SH2B1: variants seen among roughly 807,000 people sequenced by gnomAD.
SH2B1 encodes the protein SH2B adaptor protein 1.
In SH2B1, 15 loss-of-function variants were observed where a neutral mutation model predicts 62.6. The observed-to-expected ratio is 0.24, with a 90% confidence interval of 0.16 to 0.37. The LOEUF is 0.37. SH2B1 is among the 10% of genes least tolerant of loss of function. The pLI, the probability that SH2B1 is intolerant of heterozygous loss-of-function variation, is 1.00. For synonymous variants in SH2B1, 443 were observed against 438.0 expected (o/e 1.01, Z -0.14); for missense variants, 925 against 1,015.6 (o/e 0.91, Z 1.21).
Position 28,869,298 on chromosome 16 carries a change from G to C in SH2B1, c.1224G>C (p.Glu408Asp). 1 of 1,614,092 alleles carries C rather than the reference G, an allele frequency of 6.2e-7. No individual in the cohort carries two copies. The highest frequency in any genetic ancestry group is 8.5e-7 in the Non-Finnish European group (1 of 1,180,018). The change falls in exon 4 of 8, where the codon GAG becomes GAC. Residue 408 changes from glutamate (E) to aspartate (D), a missense_variant. Physicochemically the swap from Glu to Asp is conservative, Grantham distance 45. This residue lies in a region of SH2B1 where 683 missense variants were observed against 704.0 expected (regional missense o/e 0.97). Coordinates refer to ENST00000684370, the MANE Select transcript of SH2B1 (RefSeq NM_001387430.1). The stretch of plus-strand genomic sequence containing the variant: ...CAAGGGAGAACACAGACAGCCTGGA[G>C]CTGTCCTGCCTGAATCACTCGGAGA... ...FLTRENTDSLELSCLNHSESL... is the reference protein window; with the variant it reads ...FLTRENTDSLDLSCLNHSESL...
chr16:28,850,167 A>G (rs1056531718), intron 1 of SH2B1, among the ~76,000 whole-genome samples: 2 of 152,194 alleles, frequency 1.3e-5, no homozygotes, highest in Non-Finnish European at 2.9e-5. Context: ...TAAGGGTATT[A>G]GGCAGCTTAC....
chr16:28,864,320 C>A lies in SH2B1; in HGVS notation c.-1775C>A. On this transcript the variant is annotated 5_prime_UTR_variant, in exon 1 of 8. Transcript: ENST00000684370. ...GCTTGGCAGAAGAGAAACTGAGTCACCAGCTTAGGAGTCGCAGGGTCAGCG... is the reference window on the plus strand; with the variant it reads ...GCTTGGCAGAAGAGAAACTGAGTCAACAGCTTAGGAGTCGCAGGGTCAGCG... 1.0e-6 allele frequency: 1 copy of A among 993,906 alleles called. No individual in the cohort carries two copies. 61.6% of individuals were successfully genotyped at this position (993,906 alleles called of 1,614,324 possible).
At chr16:28,852,677 T>TAC in intron 1 of SH2B1, among the ~76,000 whole-genome samples, 1 of 91,848 alleles carries the variant, frequency 1.1e-5, no homozygotes, top group Non-Finnish European at 1.9e-5. Flanking sequence ...TTTATATATA[T>TAC]ATTTACATAT....
chr16:28,865,375 A>G lies in SH2B1; in HGVS notation c.-720A>G, dbSNP rs890364302. ...GTCCATCATGCATCCATCCTCATTAATGAATCGGCCCCCTCCAAAGAGTTG... is the reference window on the plus strand; with the variant it reads ...GTCCATCATGCATCCATCCTCATTAGTGAATCGGCCCCCTCCAAAGAGTTG... On this transcript the variant is annotated 5_prime_UTR_variant, in exon 1 of 8. It removes an upstream start codon present in the reference 5' UTR. Transcript: ENST00000684370. The G allele has an allele frequency of 1.0e-6, 1 of 985,652 alleles. No homozygotes were observed. 61.1% of individuals were successfully genotyped at this position (985,652 alleles called of 1,614,324 possible). A position where few individuals can be genotyped will look rare whatever the true frequency, so the allele number is the denominator to read the frequency against.
Position 28,866,533 on chromosome 16 carries a change from C to G in SH2B1, c.439C>G (p.Pro147Ala). ...VSSSSTTSSK[P>A]KLKKRFSLRS... is the part of the protein sequence containing the mutation. ...TTCCTCCTCTACAACCTCCTCCAAG[C>G]CGAAGCTCAAGAAGCGCTTTTCCCT... is the stretch of plus-strand genomic sequence containing the variant. The change falls in exon 1 of 8, where the codon CCG (proline) becomes GCG (alanine). Residue 147 changes from proline (P) to alanine (A), a missense_variant. By Grantham distance (27) the Pro-to-Ala change is conservative (BLOSUM62 -1). This residue lies in a region of SH2B1 where 683 missense variants were observed against 704.0 expected (regional missense o/e 0.97). Transcript: ENST00000684370. The surrounding 1 kb of genome is among the most constrained non-coding windows in gnomAD (Gnocchi z 6.3). The G allele has an allele frequency of 6.2e-7, 1 of 1,614,084 alleles. No homozygotes were observed. The highest frequency in any genetic ancestry group is 8.5e-7 in the Non-Finnish European group (1 of 1,180,026).
chr16:28,852,617 T>TATATATTTATATATATACAC lies in SH2B1; in HGVS notation c.-301+5797_-301+5816dup, dbSNP rs1254177482. Reference sequence around the variant, plus strand: ...ACATATATATTTATATATATACACATATATATTTATATATATACACATATA... The same window carrying TATATATTTATATATATACAC: ...ACATATATATTTATATATATACACATATATATTTATATATATACACATATATTTATATATATACACATATA... On this transcript the variant is annotated intron_variant, in intron 1 of 10. Transcript: ENST00000322610. 3.2e-4 allele frequency among the ~76,000 whole-genome samples: 27 copies of TATATATTTATATATATACAC among 84,298 alleles called. 6 individuals carry two copies. The highest frequency in any genetic ancestry group is 3.5e-4 in the Non-Finnish European group (18 of 51,170). 55.3% of individuals were successfully genotyped at this position (84,298 alleles called of 152,430 possible). A position where few individuals can be genotyped will look rare whatever the true frequency, so the allele number is the denominator to read the frequency against.
In SH2B1 at chr16:28,872,412, C is replaced by T. The variant is rs985037621; in HGVS notation, c.1725+11C>T. The T allele has an allele frequency of 6.3e-7, 1 of 1,592,438 alleles. No homozygotes were observed. Among genetic ancestry groups the T allele is most frequent in the East Asian group, 2.2e-5 (1 of 44,714 alleles). ...CAGGGCAAGGCCAAGGTGAGCCACC[C>T]TGTGGGAAAGGCTCTGTTCTGTGCA... On this transcript the variant is annotated intron_variant, in intron 6 of 7. Transcript: ENST00000684370. The surrounding 1 kb of genome is among the most constrained non-coding windows in gnomAD (Gnocchi z 5.3).
At chr16:28,847,653 C>CA (rs978805825) in intron 1 of SH2B1, among the ~76,000 whole-genome samples, 128 of 150,416 alleles carry the variant, frequency 8.5e-4, no homozygotes, top group African/African-American at 2.8e-3. Context: ...CCTATCTCTA[C>CA]AAAAAAAAAT....
chr16:28,865,558 T>C lies in SH2B1; in HGVS notation c.-537T>C. 1 of 985,640 alleles carries C rather than the reference T, an allele frequency of 1.0e-6. No homozygotes were observed. The highest frequency in any genetic ancestry group is 4.7e-5 in the South Asian group (1 of 21,290). The allele number at this position is 985,640 out of a possible 1,614,324, so 61.1% of individuals were successfully genotyped here. A position where few individuals can be genotyped will look rare whatever the true frequency, so the allele number is the denominator to read the frequency against. On this transcript the variant is annotated 5_prime_UTR_variant, in exon 1 of 8. Transcript: ENST00000684370. ...GTGGGGAAAACAGTAGACTTGGAGT[T>C]CTGAAACTTTTCTGAGCTTCGGTTT...
chr16:28,851,471 T>C (rs1596608662), intron 1 of SH2B1, among the ~76,000 whole-genome samples: 1 of 150,960 alleles, frequency 6.6e-6, no homozygotes, highest in African/African-American at 2.4e-5. Flanking sequence ...TTTTTTTTTT[T>C]TTTTCCAAGA....
At chr16:28,857,495 T>C (rs1340862998) in intron 1 of SH2B1, among the ~76,000 whole-genome samples, 6 of 152,176 alleles carry the variant, frequency 3.9e-5, no homozygotes, top group African/African-American at 7.2e-5. Context: ...ATGTAAATTA[T>C]ACATGTATAT....
chr16:28,857,624 G>C (rs893546712), intron 1 of SH2B1, among the ~76,000 whole-genome samples: 1 of 152,152 alleles, frequency 6.6e-6, no homozygotes, highest in Non-Finnish European at 1.5e-5. Context: ...GGAGAGCTGG[G>C]ACAGCAGGCC....
chr16:28,854,309 T>A (rs1299839331), intron 1 of SH2B1, among the ~76,000 whole-genome samples: 7 of 151,852 alleles, frequency 4.6e-5, no homozygotes, highest in Admixed American at 2.6e-4. Flanking sequence ...TTAACAAAAA[T>A]AATAATATAA....
chr16:28,852,221 C>CATATATATTTACATAT (rs1962119256), intron 1 of SH2B1, among the ~76,000 whole-genome samples: 6 of 39,418 alleles, frequency 1.5e-4, no homozygotes, highest in Admixed American at 5.8e-4. Flanking sequence ...TATATATTTA[C>CATATATATTTACATAT]ATATATATTT....
chr16:28,850,218 G>T lies in SH2B1; in HGVS notation c.-301+3391G>T, dbSNP rs947767184. 2.6e-5 allele frequency among the ~76,000 whole-genome samples: 4 copies of T among 152,174 alleles called. No homozygotes were observed. In the South Asian group the frequency reaches 8.3e-4, roughly 31 times the overall value. Reference sequence around the variant, plus strand: ...ACTGGAGAACTAATTCCAAGCCATAGAACTGATTTGACCTGATAAGAAAAC... The same window carrying T: ...ACTGGAGAACTAATTCCAAGCCATATAACTGATTTGACCTGATAAGAAAAC... On this transcript the variant is annotated intron_variant, in intron 1 of 10. Transcript: ENST00000322610.
intron 4 of SH2B1, among the ~76,000 whole-genome samples, chr16:28,871,218 A>G (rs1677056701): frequency 6.6e-6 from 1 of 152,132 alleles, no homozygotes; most frequent in African/African-American, 2.4e-5. Flanking sequence ...GTGTTTCACC[A>G]TGTTGCCCAG....
At chr16:28,868,962 C>T in intron 2 of SH2B1, 44 bp from the exon 3 acceptor site, 1 of 1,454,288 alleles carries the variant, frequency 6.9e-7, no homozygotes, top group Non-Finnish European at 9.7e-7. Context: ...ATTAAGCCTC[C>T]TCCCTGCCCC....
intron 2 of SH2B1, among the ~76,000 whole-genome samples, chr16:28,868,731 C>T (rs979337187): frequency 6.6e-6 from 1 of 152,146 alleles, no homozygotes; most frequent in Non-Finnish European, 1.5e-5. Flanking sequence ...GCTGGGATTA[C>T]AGGTGTGAGC....
rs756422196 is a variant in SH2B1 at position 28,866,658 on chromosome 16, G to A, written c.564G>A (p.Ser188=). The A allele has an allele frequency of 1.7e-5, 28 of 1,611,242 alleles. No individual in the cohort carries two copies. Among genetic ancestry groups the A allele is most frequent in the South Asian group, 1.4e-4 (13 of 90,688 alleles). ...CCTCCGCTGGGCCCCTGGAGACCTC[G>A]TCAGGCCCCCCAGTCTTAGGTGGAA... The part of the protein sequence containing the change: ...PPSSAGPLET[S]SGPPVLGGNS... Residue 188 remains serine (S), a synonymous_variant, in exon 1 of 8, where the codon TCG becomes TCA. Transcript: ENST00000684370. The surrounding 1 kb of genome is among the most constrained non-coding windows in gnomAD (Gnocchi z 6.3).
Sources: allele counts gnomAD v4.1 joint callset (sites outside exome capture counted in the v4.1 genomes callset), GRCh38; gene constraint gnomAD v4.1.1; regional missense constraint gnomAD v4.1.1; non-coding constraint Gnocchi (gnomAD v3.1); transcripts MANE v1.5; gene names NCBI Gene and HGNC (gene_info 2026-07-23, HGNC 2026-07-21).